The following GARRE1 variants were observed in gnomAD, a reference collection of about 807,000 sequenced individuals.
GARRE1 encodes granule associated Rac and RHOG effector 1, also known as granule associated Rac and RHOG effector protein 1.
Under a neutral mutation model 103.2 loss-of-function variants are expected in GARRE1, and 49 were observed. That is an observed-to-expected ratio of 0.47 (90% confidence interval 0.38 to 0.60). The LOEUF (loss-of-function observed/expected upper bound fraction) is 0.60. GARRE1 is among the 20% of genes least tolerant of loss of function. The probability of loss-of-function intolerance (pLI) is 0.00; values close to 1 mark genes in which losing one functional copy is unlikely to be tolerated. For synonymous variants in GARRE1, 505 were observed against 532.8 expected, an observed-to-expected ratio of 0.95 and a Z score of 0.72; for missense variants, 1,199 against 1,370.5, an observed-to-expected ratio of 0.87 and a Z score of 1.98.
chr19:34,321,208 C>T (rs1462472328), intron 3 of GARRE1, among the ~76,000 whole-genome samples: 2 of 147,728 alleles, frequency 1.4e-5, no homozygotes, highest in Non-Finnish European at 3.0e-5. Context: ...AGGCGCCCGC[C>T]ACCAAGCCCG....
chr19:34,333,972 T>C (rs554377088), intron 8 of GARRE1, among the ~76,000 whole-genome samples, 171 bp downstream of exon 8: 18 of 152,362 alleles, frequency 1.2e-4, no homozygotes, highest in Non-Finnish European at 2.2e-4. Context: ...TCATGATTAT[T>C]GGTCTGTGAT....
In GARRE1 at chr19:34,355,005, TC is replaced by T. The variant is rs2074264159; in HGVS notation, c.*2051del. 1 of 152,694 alleles carries T rather than the reference TC, an allele frequency of 6.5e-6. No individual in the cohort carries two copies. The highest frequency in any genetic ancestry group is 1.5e-5 in the Non-Finnish European group (1 of 68,054). The allele number at this position is 152,694 out of a possible 1,614,324, so 9.5% of individuals were successfully genotyped here. ...AGCTGTCACGGTGTGCACACTAATC[TC>T]TGTTAAAGTTGTCTATGGCTGTTCT... On this transcript the variant is annotated 3_prime_UTR_variant, in exon 14 of 14. Coordinates refer to ENST00000299505, the MANE Select transcript of GARRE1 (RefSeq NM_014686.5).
intron 2 of GARRE1, among the ~76,000 whole-genome samples, chr19:34,319,427 T>G (rs1006809459): frequency 6.6e-6 from 1 of 152,250 alleles, no homozygotes; most frequent in Non-Finnish European, 1.5e-5. Context: ...TTAACACTCC[T>G]ACTAAAATAA....
rs1053488750 is a variant in GARRE1, at chr19:34,299,838, A to G, written c.-636A>G. ...GAGGAGGAGACTTACAACAAACGCC[A>G]TTTAAAAAAAAAAGAAAAACTTGTT... is the stretch of plus-strand genomic sequence containing the variant. On this transcript the variant is annotated 5_prime_UTR_variant, in exon 2 of 14. Coordinates refer to ENST00000299505, the MANE Select transcript of GARRE1 (RefSeq NM_014686.5). 6.6e-6 allele frequency: 1 copy of G among 152,186 alleles called. No homozygotes were observed. Among genetic ancestry groups the G allele is most frequent in the Non-Finnish European group, 1.5e-5 (1 of 68,026 alleles). 9.4% of individuals were successfully genotyped at this position (152,186 alleles called of 1,614,324 possible).
chr19:34,296,388 C>G (rs1007049872), intron 1 of GARRE1: 2 of 1,486,998 alleles, frequency 1.3e-6, no homozygotes, highest in African/African-American at 1.4e-5. Flanking sequence ...CTTTAGCCGG[C>G]ACAGCCTGAG....
intron 13 of GARRE1, among the ~76,000 whole-genome samples, chr19:34,352,085 G>T (rs959096111): frequency 6.6e-6 from 1 of 152,022 alleles, no homozygotes; most frequent in African/African-American, 2.4e-5. Context: ...GTGACAGAGC[G>T]AGACTGCCTC....
chr19:34,278,191 C>A (rs1342012121), intron 1 of GARRE1, among the ~76,000 whole-genome samples: 2 of 151,966 alleles, frequency 1.3e-5, no homozygotes, highest in East Asian at 3.9e-4. Flanking sequence ...TGCCTGTAAA[C>A]CCAGCACTTT....
intron 1 of GARRE1, among the ~76,000 whole-genome samples, chr19:34,295,319 T>C (rs1366924660): frequency 6.6e-6 from 1 of 152,208 alleles, no homozygotes; most frequent in Non-Finnish European, 1.5e-5. Flanking sequence ...CTATTTATCT[T>C]TGATAAATTA....
At chr19:34,306,910 C>T (rs906788287) in intron 2 of GARRE1, among the ~76,000 whole-genome samples, 8 of 151,866 alleles carry the variant, frequency 5.3e-5, no homozygotes, top group African/African-American at 9.7e-5. Context: ...AAGGGAGTTT[C>T]GATCTTAGAG....
At position 34,305,009 on chromosome 19, in the gene GARRE1, G is replaced by A. The variant is rs2074001141; in HGVS notation, c.495+4041G>A. Among the ~76,000 whole-genome samples, 3 of 151,972 alleles carry A rather than the reference G, an allele frequency of 2.0e-5. No homozygotes were observed. In the South Asian group the frequency reaches 6.2e-4, roughly 32 times the overall value. On this transcript the variant is annotated intron_variant, in intron 2 of 13. Transcript: ENST00000299505. ...GGGTTTCACCATGTTAACCAGGATG[G>A]TCTTGATCTCCTGACCTCGGGATCC...
At chr19:34,315,064 G>GC (rs1250675748) in intron 2 of GARRE1, among the ~76,000 whole-genome samples, 1 of 152,208 alleles carries the variant, frequency 6.6e-6, no homozygotes, top group South Asian at 2.1e-4. Flanking sequence ...TCTAATACAA[G>GC]CACCCATCTT....
intron 2 of GARRE1, among the ~76,000 whole-genome samples, chr19:34,307,901 C>T (rs2074018165): frequency 6.7e-6 from 1 of 149,888 alleles, no homozygotes; most frequent in South Asian, 2.1e-4. Context: ...CCAGCCTCAG[C>T]TTCCCGCGTA....
In GARRE1 at chr19:34,297,909, T is replaced by C. The variant is rs539427254; in HGVS notation, c.-795-1770T>C. The stretch of plus-strand genomic sequence containing the variant: ...GTTGTTTTATTGACTTTATATGTTA[T>C]GTGTTTGTATCCACAGTGTCCTTCT... On this transcript the variant is annotated intron_variant, in intron 1 of 13. Transcript: ENST00000299505. Among the ~76,000 whole-genome samples, 5 of 152,356 alleles carry C rather than the reference T, an allele frequency of 3.3e-5. No homozygotes were observed. The South Asian group carries it at 1.0e-3, about 32-fold the overall frequency.
chr19:34,275,447 T>C (rs2073811503), intron 1 of GARRE1, among the ~76,000 whole-genome samples: 1 of 152,098 alleles, frequency 6.6e-6, no homozygotes, highest in Admixed American at 6.5e-5. Flanking sequence ...TAATTGACTT[T>C]TTGTTTCAAT....
Position 34,349,154 on chromosome 19 carries a change from G to A in GARRE1, c.2825+1G>A. On this transcript the variant is annotated splice_donor_variant, in intron 12 of 13. Coordinates refer to ENST00000299505, the MANE Select transcript of GARRE1 (RefSeq NM_014686.5). LOFTEE classifies it high-confidence loss of function. ...TCGTTGCTGCTGTCAAGCAGAGAAG[G>A]TATGAAGGGATTTCTAAACCAAGGT... The A allele has an allele frequency of 1.9e-6, 3 of 1,611,908 alleles. No individual in the cohort carries two copies. The highest frequency in any genetic ancestry group is 1.1e-5 in the South Asian group (1 of 91,090).
rs1306539200 is a variant in GARRE1 at position 34,341,592 on chromosome 19, G to T, written c.1658G>T (p.Ser553Ile). Residue 553 changes from serine (S) to isoleucine (I), a missense_variant, in exon 10 of 14, where the codon AGC becomes ATC. Ser to Ile is a moderately radical substitution (Grantham distance 142). Transcript: ENST00000299505. Reference sequence around the variant, plus strand: ...AAGAAAGCTTCATGTACCAGCTCCAGCAGCAGCACAAATTATTCCATCCAA... The same window carrying T: ...AAGAAAGCTTCATGTACCAGCTCCATCAGCAGCACAAATTATTCCATCCAA... The part of the protein sequence containing the change: ...FTKKASCTSS[S>I]SSTNYSIQNT... 2 of 1,614,038 alleles carry T rather than the reference G, an allele frequency of 1.2e-6. No individual in the cohort carries two copies. The highest frequency in any genetic ancestry group is 1.7e-6 in the Non-Finnish European group (2 of 1,180,036).
intron 1 of GARRE1, among the ~76,000 whole-genome samples, chr19:34,278,225 C>T (rs1315510583): frequency 6.6e-6 from 1 of 151,806 alleles, no homozygotes; most frequent in Non-Finnish European, 1.5e-5. Context: ...GGGTGGATCA[C>T]CTGAGGTCAG....
Position 34,354,034 on chromosome 19 carries a change from G to A in GARRE1, c.*1079G>A, listed in dbSNP as rs148785582. The stretch of plus-strand genomic sequence containing the variant: ...AATGGATCCAGAAGAATTGAATGGT[G>A]CTTAAATTGAGAAATAATAATAAAT... On this transcript the variant is annotated 3_prime_UTR_variant, in exon 14 of 14. Transcript: ENST00000299505. The A allele has an allele frequency of 6.6e-6, 1 of 152,654 alleles. No homozygotes were observed. The highest frequency in any genetic ancestry group is 1.5e-5 in the Non-Finnish European group (1 of 68,024). 9.5% of individuals were successfully genotyped at this position (152,654 alleles called of 1,614,324 possible).
intron 1 of GARRE1, among the ~76,000 whole-genome samples, chr19:34,271,373 C>G (rs2073786692): frequency 1.3e-5 from 2 of 151,822 alleles, no homozygotes; most frequent in Middle Eastern, 3.4e-3. Context: ...CTCAGCCTCC[C>G]TAGTAGCTGG....
Sources: gnomAD v4.1 joint callset for allele counts (sites outside exome capture counted in the v4.1 genomes callset) on GRCh38, gnomAD v4.1.1 for gene constraint, MANE v1.5 for transcripts, NCBI Gene and HGNC (gene_info 2026-07-23, HGNC 2026-07-21) for gene names.